Variants in TTC36 observed in about 807,000 individuals in gnomAD.
TTC36 encodes tetratricopeptide repeat protein 36.
A neutral mutation model predicts 17.5 loss-of-function variants in TTC36; 15 were observed. The ratio of observed to expected loss-of-function variants is 0.86; its 90% CI spans 0.57 to 1.32. The LOEUF (loss-of-function observed/expected upper bound fraction) is 1.32, where lower values mean the gene tolerates loss of function less well. Among genes scored for constraint, TTC36 ranks in the 40% most tolerant of loss-of-function variants. TTC36 has a pLI of 0.00. For synonymous variants in TTC36, 112 were observed against 109.8 expected (o/e 1.02, Z -0.13); for missense variants, 292 against 260.9 (o/e 1.12, Z -0.82).
Position 118,530,728 on chromosome 11 carries a change from C to T in TTC36, c.382C>T (p.Gln128Ter). The T allele has an allele frequency of 6.7e-7, 1 of 1,495,604 alleles. No individual in the cohort carries two copies. Among genetic ancestry groups the T allele is most frequent in the South Asian group, 1.3e-5 (1 of 79,856 alleles). 92.6% of individuals were successfully genotyped at this position (1,495,604 alleles called of 1,614,324 possible). Residue 128 changes from glutamine (Q) to a stop codon, truncating the protein, a stop_gained, in exon 3 of 3, where the codon CAG (glutamine) becomes TAG (stop). Transcript: ENST00000302783. LOFTEE classifies it high-confidence loss of function. This position sits in a 1 kb window ranked among gnomAD's most constrained non-coding sequence, Gnocchi z 5.8. ...RGRAARQSFV[Q>*]RGLLARLQGR... ...CCGCGCCGCCCGCCAGAGCTTTGTG[C>T]AGCGCGGACTCCTGGCGCGGCTGCA...
At chr11:118,528,047 C>A (rs971685272) in intron 1 of TTC36, 1 of 454,344 alleles carries the variant, frequency 2.2e-6, no homozygotes, top group African/African-American at 2.0e-5. Flanking sequence ...TCCAAACTAA[C>A]TCTTCCGCAG....
intron 2 of TTC36, among the ~76,000 whole-genome samples, chr11:118,529,216 A>G (rs188273097): frequency 8.5e-5 from 13 of 152,358 alleles, no homozygotes; most frequent in South Asian, 6.2e-4. Flanking sequence ...TGAAGAGGCT[A>G]AGTAACTTGC....
At position 118,530,765 on chromosome 11, in the gene TTC36, A is replaced by T; in HGVS notation, c.419A>T (p.Asp140Val). The T allele has an allele frequency of 6.6e-7, 1 of 1,507,368 alleles. No individual in the cohort carries two copies. The highest frequency in any genetic ancestry group is 1.2e-5 in the South Asian group (1 of 80,882). 93.4% of individuals were successfully genotyped at this position (1,507,368 alleles called of 1,614,324 possible). A position where few individuals can be genotyped will look rare whatever the true frequency, so the allele number is the denominator to read the frequency against. The change falls in exon 3 of 3, where the codon GAC becomes GTC. Residue 140 changes from aspartate (D) to valine (V), a missense_variant. Asp to Val is a radical substitution (Grantham distance 152). Coordinates refer to ENST00000302783, the MANE Select transcript of TTC36 (RefSeq NM_001080441.4). This position sits in a 1 kb window ranked among gnomAD's most constrained non-coding sequence, Gnocchi z 5.8. ...CTGGCGCGGCTGCAGGGCCGAGACG[A>T]CGACGCCCGCAGGGACTTCGAGAGG... The part of the protein sequence containing the change: ...GLLARLQGRD[D>V]DARRDFERAA...
chr11:118,529,146 A>G (rs991196518), intron 2 of TTC36, among the ~76,000 whole-genome samples: 3 of 152,222 alleles, frequency 2.0e-5, no homozygotes, highest in African/African-American at 4.8e-5. Context: ...AATCCTCACA[A>G]CAACCCTAAA....
chr11:118,528,296 G>T (rs1555056329), intron 1 of TTC36, among the ~76,000 whole-genome samples: 1 of 152,134 alleles, frequency 6.6e-6, no homozygotes, highest in East Asian at 1.9e-4. Flanking sequence ...TGCAACGTAT[G>T]GCCTGTTGAG....
In TTC36 at chr11:118,530,595, G is replaced by T. The variant is rs1484830013; in HGVS notation, c.308-59G>T. The T allele has an allele frequency of 1.5e-6, 2 of 1,363,666 alleles. No individual in the cohort carries two copies. The highest frequency in any genetic ancestry group is 2.7e-4 in the Middle Eastern group (1 of 3,670). The allele number at this position is 1,363,666 out of a possible 1,614,324, so 84.5% of individuals were successfully genotyped here. The stretch of plus-strand genomic sequence containing the variant: ...CGCGGCCGCAGGTGGGCTGGGGCTC[G>T]GGCAAGGCCGCCCTGGCCTCCGCTG... On this transcript the variant is annotated intron_variant, in intron 2 of 2. Coordinates refer to ENST00000302783, the MANE Select transcript of TTC36 (RefSeq NM_001080441.4). This position sits in a 1 kb window ranked among gnomAD's most constrained non-coding sequence, Gnocchi z 5.8.
At position 118,530,827 on chromosome 11, in the gene TTC36, C is replaced by G. The variant is rs782684650; in HGVS notation, c.481C>G (p.Leu161Val). Residue 161 changes from leucine (L) to valine (V), a missense_variant, in exon 3 of 3, where the codon CTG (leucine) becomes GTG (valine). Leu to Val is a conservative substitution (Grantham distance 32, BLOSUM62 1). Coordinates refer to ENST00000302783, the MANE Select transcript of TTC36 (RefSeq NM_001080441.4). This position sits in a 1 kb window ranked among gnomAD's most constrained non-coding sequence, Gnocchi z 5.8. ...RLGSPFARRQ[L>V]VLLNPYAALC... ...GGGCAGCCCCTTCGCGCGGCGCCAG[C>G]TGGTGCTGCTCAACCCCTACGCCGC... is the stretch of plus-strand genomic sequence containing the variant. 7.3e-6 allele frequency: 11 copies of G among 1,506,450 alleles called. No individual in the cohort carries two copies. Among genetic ancestry groups the G allele is most frequent in the South Asian group, 1.2e-5 (1 of 81,148 alleles). The allele number at this position is 1,506,450 out of a possible 1,614,324, so 93.3% of individuals were successfully genotyped here.
rs530106215 is a variant in TTC36, at chr11:118,528,877, C to A, written c.307+86C>A. 54 of 1,258,874 alleles carry A rather than the reference C, an allele frequency of 4.3e-5. No individual in the cohort carries two copies. The African/African-American group carries it at 7.5e-4, about 18-fold the overall frequency. The allele number at this position is 1,258,874 out of a possible 1,614,324, so 78.0% of individuals were successfully genotyped here. On this transcript the variant is annotated intron_variant, in intron 2 of 2. Transcript: ENST00000302783. ...TGAAGTGGCTGTGCGGCTGGGGTGG[C>A]CTTGCTAAACCCCTGTGGAGCCTGT... is the stretch of plus-strand genomic sequence containing the variant.
chr11:118,530,626 C>T lies in TTC36; in HGVS notation c.308-28C>T. ...GGCCGCCCTGGCCTCCGCTGACCCC[C>T]GCCCCGCCCGTCTCGTCGGTCCCGC... On this transcript the variant is annotated intron_variant, in intron 2 of 2. Transcript: ENST00000302783. The surrounding 1 kb of genome is among the most constrained non-coding windows in gnomAD (Gnocchi z 5.8). The T allele has an allele frequency of 2.1e-6, 3 of 1,405,586 alleles. No homozygotes were observed. The highest frequency in any genetic ancestry group is 2.7e-6 in the Non-Finnish European group (3 of 1,091,088). The allele number at this position is 1,405,586 out of a possible 1,614,324, so 87.1% of individuals were successfully genotyped here.
At position 118,528,621 on chromosome 11, in the gene TTC36, C is replaced by T; in HGVS notation, c.137C>T (p.Ala46Val). ...GGCCCAGATGAAGTTTTCCCTCAAG[C>T]ACAGCTGGAACAGTCCAAGGCCCTG... is the stretch of plus-strand genomic sequence containing the variant. Reference protein sequence around the residue: ...EREEDEVFPQAQLEQSKALEL... With the variant: ...EREEDEVFPQVQLEQSKALEL... Residue 46 changes from alanine (A) to valine (V), a missense_variant, in exon 2 of 3, where the codon GCA (alanine) becomes GTA (valine). By Grantham distance (64) the Ala-to-Val change is moderately conservative. Transcript: ENST00000302783. 1.9e-6 allele frequency: 3 copies of T among 1,574,582 alleles called. No individual in the cohort carries two copies. The highest frequency in any genetic ancestry group is 2.6e-6 in the Non-Finnish European group (3 of 1,157,184).
rs782233282 is a variant in TTC36 at position 118,528,703 on chromosome 11, G to C, written c.219G>C (p.Arg73Ser). The stretch of plus-strand genomic sequence containing the variant: ...GGGACCTCAGCACAGCCCTGGAGAG[G>C]TTTGGCCAAGCCATCTGCCTGCTGC... The part of the protein sequence containing the change: ...EAGDLSTALE[R>S]FGQAICLLPE... The change falls in exon 2 of 3, where the codon AGG becomes AGC. Residue 73 changes from arginine to serine, a missense_variant. Coordinates refer to ENST00000302783, the MANE Select transcript of TTC36 (RefSeq NM_001080441.4). The C allele has an allele frequency of 6.2e-7, 1 of 1,613,594 alleles. No homozygotes were observed. Among genetic ancestry groups the C allele is most frequent in the Non-Finnish European group, 8.5e-7 (1 of 1,179,834 alleles).
At chr11:118,528,568 A>G (rs1951129413) in intron 1 of TTC36, 35 bp from the exon 2 acceptor site, 7 of 1,519,600 alleles carry the variant, frequency 4.6e-6, no homozygotes, top group Non-Finnish European at 6.2e-6. Context: ...TACCAACTGC[A>G]CACCTGGCTT....
Position 118,530,712 on chromosome 11 carries a change from C to T in TTC36, c.366C>T (p.Ala122=). ...VELSGGRGRA[A]RQSFVQRGLL... ...TGAGCGGCGGCCGGGGCCGCGCCGC[C>T]CGCCAGAGCTTTGTGCAGCGCGGAC... Residue 122 remains alanine (A), a synonymous_variant, in exon 3 of 3, where the codon GCC becomes GCT. Coordinates refer to ENST00000302783, the MANE Select transcript of TTC36 (RefSeq NM_001080441.4). This position sits in a 1 kb window ranked among gnomAD's most constrained non-coding sequence, Gnocchi z 5.8. 6.7e-7 allele frequency: 1 copy of T among 1,481,616 alleles called. No individual in the cohort carries two copies. Among genetic ancestry groups the T allele is most frequent in the Non-Finnish European group, 8.9e-7 (1 of 1,125,218 alleles). The allele number at this position is 1,481,616 out of a possible 1,614,324, so 91.8% of individuals were successfully genotyped here.
intron 1 of TTC36, 124 bp downstream of exon 1, chr11:118,527,736 G>C (rs782203282): frequency 3.9e-6 from 3 of 778,918 alleles, no homozygotes; most frequent in Admixed American, 1.8e-5. Flanking sequence ...ATTGGAATCA[G>C]AGAGGTTGGC....
intron 2 of TTC36, among the ~76,000 whole-genome samples, chr11:118,529,747 A>G (rs1951168049): frequency 6.6e-6 from 1 of 152,184 alleles, no homozygotes; most frequent in Non-Finnish European, 1.5e-5. Flanking sequence ...CTGCAGACCA[A>G]AACCCCAGAG....
chr11:118,530,675 G>C lies in TTC36; in HGVS notation c.329G>C (p.Arg110Pro), dbSNP rs782739514. The part of the protein sequence containing the change: ...DVAGALEDLE[R>P]AVELSGGRGR... ...GCAGGCGCCCTGGAGGATCTGGAAC[G>C]CGCGGTGGAGCTGAGCGGCGGCCGG... The change falls in exon 3 of 3, where the codon CGC becomes CCC. Residue 110 changes from arginine (R) to proline (P), a missense_variant. Coordinates refer to ENST00000302783, the MANE Select transcript of TTC36 (RefSeq NM_001080441.4). The surrounding 1 kb of genome is among the most constrained non-coding windows in gnomAD (Gnocchi z 5.8). 29 of 1,472,540 alleles carry C rather than the reference G, an allele frequency of 2.0e-5. No individual in the cohort carries two copies. Among genetic ancestry groups the C allele is most frequent in the Admixed American group, 2.5e-5 (1 of 40,714 alleles). 91.2% of individuals were successfully genotyped at this position (1,472,540 alleles called of 1,614,324 possible). A position where few individuals can be genotyped will look rare whatever the true frequency, so the allele number is the denominator to read the frequency against.
At position 118,530,744 on chromosome 11, in the gene TTC36, C is replaced by T. The variant is rs1555057386; in HGVS notation, c.398C>T (p.Ala133Val). 2 of 1,501,078 alleles carry T rather than the reference C, an allele frequency of 1.3e-6. No individual in the cohort carries two copies. The highest frequency in any genetic ancestry group is 1.5e-5 in the African/African-American group (1 of 68,728). 93.0% of individuals were successfully genotyped at this position (1,501,078 alleles called of 1,614,324 possible). A position where few individuals can be genotyped will look rare whatever the true frequency, so the allele number is the denominator to read the frequency against. The change falls in exon 3 of 3, where the codon GCG (alanine) becomes GTG (valine). Residue 133 changes from alanine (A) to valine (V), a missense_variant. By Grantham distance (64) the Ala-to-Val change is moderately conservative (BLOSUM62 0). Coordinates refer to ENST00000302783, the MANE Select transcript of TTC36 (RefSeq NM_001080441.4). This position sits in a 1 kb window ranked among gnomAD's most constrained non-coding sequence, Gnocchi z 5.8. ...AGCTTTGTGCAGCGCGGACTCCTGG[C>T]GCGGCTGCAGGGCCGAGACGACGAC... is the stretch of plus-strand genomic sequence containing the variant. ...RQSFVQRGLL[A>V]RLQGRDDDAR...
At position 118,529,411 on chromosome 11, in the gene TTC36, C is replaced by G. The variant is rs536213025; in HGVS notation, c.307+620C>G. ...AGAGGGGTCAGCGTGGGACCTGTTC[C>G]TGAAGGGCGAGTTTTGAAGGATGAG... On this transcript the variant is annotated intron_variant, in intron 2 of 2. Coordinates refer to ENST00000302783, the MANE Select transcript of TTC36 (RefSeq NM_001080441.4). Among the ~76,000 whole-genome samples the G allele has an allele frequency of 2.0e-5, 3 of 152,282 alleles. No homozygotes were observed. In the East Asian group the frequency reaches 5.8e-4, roughly 29 times the overall value.
Position 118,530,695 on chromosome 11 carries a change from G to A in TTC36, c.349G>A (p.Gly117Ser), listed in dbSNP as rs552582178. The A allele has an allele frequency of 3.4e-6, 5 of 1,477,040 alleles. No individual in the cohort carries two copies. The South Asian group carries it at 3.9e-5, about 11-fold the overall frequency. 91.5% of individuals were successfully genotyped at this position (1,477,040 alleles called of 1,614,324 possible). Residue 117 changes from glycine (G) to serine (S), a missense_variant, in exon 3 of 3, where the codon GGC (glycine) becomes AGC (serine). Gly to Ser is a moderately conservative substitution (Grantham distance 56). Transcript: ENST00000302783. The surrounding 1 kb of genome is among the most constrained non-coding windows in gnomAD (Gnocchi z 5.8). ...DLERAVELSG[G>S]RGRAARQSFV... ...GGAACGCGCGGTGGAGCTGAGCGGC[G>A]GCCGGGGCCGCGCCGCCCGCCAGAG...
Sources: gnomAD v4.1 joint callset for allele counts (sites outside exome capture counted in the v4.1 genomes callset) on GRCh38, gnomAD v4.1.1 for gene constraint, Gnocchi (gnomAD v3.1) non-coding constraint, MANE v1.5 for transcripts, NCBI Gene and HGNC (gene_info 2026-07-23, HGNC 2026-07-21) for gene names.